The following ANKRD11 variants were observed in gnomAD, a reference collection of about 807,000 sequenced individuals.
ANKRD11 encodes the protein ankyrin repeat domain-containing protein 11.
In ANKRD11, 17 loss-of-function variants were observed where a neutral mutation model predicts 195.7. That is an observed-to-expected ratio of 0.09 (90% CI 0.06 to 0.13). The LOEUF (loss-of-function observed/expected upper bound fraction) is 0.13, where lower values mean the gene tolerates loss of function less well. Among genes scored for constraint, ANKRD11 ranks in the 10% least tolerant of loss-of-function variants. ANKRD11 has a pLI of 1.00. For missense variants in ANKRD11, 3,735 were observed against 3,566.1 expected, an observed-to-expected ratio of 1.05 and a Z score of -1.21; for synonymous variants, 1,953 against 1,528.1, an observed-to-expected ratio of 1.28 and a Z score of -6.49.
intron 2 of ANKRD11, among the ~76,000 whole-genome samples, chr16:89,361,996 C>T (rs1024717303): frequency 2.0e-5 from 3 of 152,198 alleles, no homozygotes; most frequent in South Asian, 4.1e-4. Flanking sequence ...TGGCTCCAGG[C>T]AGGAGGACCC....
intron 1 of ANKRD11, among the ~76,000 whole-genome samples, chr16:89,431,708 C>T (rs866011203): frequency 5.3e-5 from 8 of 152,264 alleles, no homozygotes; most frequent in Admixed American, 1.3e-4. Flanking sequence ...CTGGCTTTAA[C>T]GACGTGCTGC....
At chr16:89,415,087 C>G (rs2042240714) in intron 2 of ANKRD11, among the ~76,000 whole-genome samples, 1 of 151,736 alleles carries the variant, frequency 6.6e-6, no homozygotes, top group South Asian at 2.1e-4. Flanking sequence ...GTAGCTGAGA[C>G]CACAGGCGCA....
intron 2 of ANKRD11, among the ~76,000 whole-genome samples, chr16:89,352,368 A>C (rs1483041640): frequency 6.6e-6 from 1 of 151,496 alleles, no homozygotes; most frequent in Non-Finnish European, 1.5e-5. Flanking sequence ...GCAATGTCTC[A>C]AGGCAGCCCC....
At position 89,283,779 on chromosome 16, in the gene ANKRD11, T is replaced by C. The variant is rs776876752; in HGVS notation, c.2763A>G (p.Lys921=). The C allele has an allele frequency of 6.2e-7, 1 of 1,613,548 alleles. No individual in the cohort carries two copies. Among genetic ancestry groups the C allele is most frequent in the East Asian group, 2.2e-5 (1 of 44,836 alleles). The change falls in exon 9 of 13, where the codon AAA becomes AAG. Residue 921 remains lysine, a synonymous_variant. Transcript: ENST00000301030. This position sits in a 1 kb window ranked among gnomAD's most constrained non-coding sequence, Gnocchi z 4.3. Reference sequence around the variant, plus strand: ...CACTTTTATGCTTTTCGGTCTGCTCTTTCCTCTTCTCAGAGTTTTTATCCA... The same window carrying C: ...CACTTTTATGCTTTTCGGTCTGCTCCTTCCTCTTCTCAGAGTTTTTATCCA... ...DYLDKNSEKR[K]EQTEKHKSVP...
In ANKRD11 at chr16:89,280,942, C is replaced by T. The variant is rs899901463; in HGVS notation, c.5600G>A (p.Cys1867Tyr). 1 of 1,582,670 alleles carries T rather than the reference C, an allele frequency of 6.3e-7. No individual in the cohort carries two copies. The highest frequency in any genetic ancestry group is 8.6e-7 in the Non-Finnish European group (1 of 1,161,650). ...LPSPKVDALH[C>Y]PPAAVVTVTP... Reference sequence around the variant, plus strand: ...GACAGTGACAACGGCAGCCGGTGGGCAGTGCAAAGCGTCGACTTTGGGCGA... The same window carrying T: ...GACAGTGACAACGGCAGCCGGTGGGTAGTGCAAAGCGTCGACTTTGGGCGA... The change falls in exon 9 of 13, where the codon TGC (cysteine) becomes TAC (tyrosine). Residue 1867 changes from cysteine (C) to tyrosine (Y), a missense_variant. Cys to Tyr is a radical substitution (Grantham distance 194). Coordinates refer to ENST00000301030, the MANE Select transcript of ANKRD11 (RefSeq NM_013275.6).
chr16:89,311,139 T>A (rs2036587305), intron 3 of ANKRD11, among the ~76,000 whole-genome samples: 1 of 152,266 alleles, frequency 6.6e-6, no homozygotes, highest in South Asian at 2.1e-4. Context: ...TTTTGCTGCA[T>A]TAGTTGGTAT....
chr16:89,280,326 A>T lies in ANKRD11; in HGVS notation c.6216T>A (p.Leu2072=). 1.3e-6 allele frequency: 2 copies of T among 1,585,032 alleles called. No individual in the cohort carries two copies. Among genetic ancestry groups the T allele is most frequent in the East Asian group, 2.3e-5 (1 of 44,426 alleles). The stretch of plus-strand genomic sequence containing the variant: ...GGGCCACGTCCAGCGGGGCTTCCGG[A>T]AGTGACTTGCAGTTGCTGAAGAAGG... ...LESFFSNCKS[L]PEAPLDVAPE... is the part of the protein sequence containing the mutation. The change falls in exon 9 of 13, where the codon CTT becomes CTA. Residue 2072 remains leucine, a synonymous_variant. Coordinates refer to ENST00000301030, the MANE Select transcript of ANKRD11 (RefSeq NM_013275.6).
chr16:89,439,238 G>A (rs2043344788), intron 1 of ANKRD11, among the ~76,000 whole-genome samples: 1 of 152,008 alleles, frequency 6.6e-6, no homozygotes, highest in Non-Finnish European at 1.5e-5. Flanking sequence ...AACTTTTTTG[G>A]AAAATGCTGT....
chr16:89,447,374 G>A (rs35637261), intron 1 of ANKRD11, among the ~76,000 whole-genome samples: 21,078 of 152,044 alleles, frequency 0.14, 1,895 homozygotes, highest in Middle Eastern at 0.2. Flanking sequence ...ACCTCAACAA[G>A]GGGGCCTGAG....
At chr16:89,412,554 C>T (rs552694050) in intron 2 of ANKRD11, 1 of 152,270 alleles carries the variant, frequency 6.6e-6, no homozygotes, top group South Asian at 2.1e-4. Context: ...CTACAGGAAC[C>T]CAATTACATC....
At position 89,305,475 on chromosome 16, in the gene ANKRD11, C is replaced by T. The variant is rs776306901; in HGVS notation, c.88-131G>A. On this transcript the variant is annotated intron_variant, in intron 3 of 12. Transcript: ENST00000301030. ...TGAACACCCTCCCTGCACCCCAGGG[C>T]GTGGCTGTGTGAGGCTGGTCACCGA... is the stretch of plus-strand genomic sequence containing the variant. 38 of 1,307,702 alleles carry T rather than the reference C, an allele frequency of 2.9e-5. No homozygotes were observed. The African/African-American group carries it at 3.9e-4, about 14-fold the overall frequency. 81.0% of individuals were successfully genotyped at this position (1,307,702 alleles called of 1,614,324 possible). A position where few individuals can be genotyped will look rare whatever the true frequency, so the allele number is the denominator to read the frequency against.
In ANKRD11 at chr16:89,358,047, T is replaced by A. The variant is rs940140750; in HGVS notation, c.-59-40969A>T. 3.3e-5 allele frequency among the ~76,000 whole-genome samples: 5 copies of A among 152,296 alleles called. No homozygotes were observed. The South Asian group carries it at 1.0e-3, about 32-fold the overall frequency. On this transcript the variant is annotated intron_variant, in intron 2 of 12. Transcript: ENST00000301030. ...CCAAAGACTGAACCCTCTTACTGCT[T>A]TGAACAATGGAGGAAGTGAGTGAGG... is the stretch of plus-strand genomic sequence containing the variant.
intron 1 of ANKRD11, among the ~76,000 whole-genome samples, chr16:89,419,255 C>A (rs143095537): frequency 4.6e-4 from 70 of 151,910 alleles, no homozygotes; most frequent in African/African-American, 1.6e-3. Flanking sequence ...AGTTCAAGAC[C>A]AGCCTGGCCA....
intron 4 of ANKRD11, among the ~76,000 whole-genome samples, chr16:89,295,861 T>G (rs1252910709): frequency 6.6e-4 from 15 of 22,716 alleles, no homozygotes; most frequent in Non-Finnish European, 8.9e-4. Flanking sequence ...GGGTGCTCTG[T>G]GCAGGTGGGA....
rs1390515590 is a variant in ANKRD11, at chr16:89,280,579, G to T, written c.5963C>A (p.Pro1988His). ...GGGGCAGAAACGCTTTGGGGACTCG[G>T]GGAATCTCTGTGGAGACTTCAGCAG... ...DLLLKSPQRFPESPKRFCPAD... is the reference protein window; with the variant it reads ...DLLLKSPQRFHESPKRFCPAD... The change falls in exon 9 of 13, where the codon CCC becomes CAC. Residue 1988 changes from proline to histidine, a missense_variant. Transcript: ENST00000301030. The T allele has an allele frequency of 6.2e-7, 1 of 1,613,476 alleles. No individual in the cohort carries two copies. Among genetic ancestry groups the T allele is most frequent in the South Asian group, 1.1e-5 (1 of 91,086 alleles).
In ANKRD11 at chr16:89,291,198, A is replaced by G; in HGVS notation, c.227-15T>C. On this transcript the variant is annotated splice_polypyrimidine_tract_variant and intron_variant, in intron 4 of 12. Transcript: ENST00000301030. This position sits in a 1 kb window ranked among gnomAD's most constrained non-coding sequence, Gnocchi z 5.3. Reference sequence around the variant, plus strand: ...GCCCTGCTTCTCTGTGAGGCGGGCGAGGGAGAGAGGGAGGAGAGATTTCAT... The same window carrying G: ...GCCCTGCTTCTCTGTGAGGCGGGCGGGGGAGAGAGGGAGGAGAGATTTCAT... The G allele has an allele frequency of 6.2e-7, 1 of 1,612,172 alleles. No individual in the cohort carries two copies. Among genetic ancestry groups the G allele is most frequent in the Non-Finnish European group, 8.5e-7 (1 of 1,179,880 alleles).
Position 89,280,374 on chromosome 16 carries a change from G to A in ANKRD11, c.6168C>T (p.Tyr2056=), listed in dbSNP as rs535355840. 8.3e-6 allele frequency: 13 copies of A among 1,563,324 alleles called. No individual in the cohort carries two copies. The highest frequency in any genetic ancestry group is 1.7e-4 in the Middle Eastern group (1 of 5,772). The stretch of plus-strand genomic sequence containing the variant: ...AGGACTCCAGCCCGGAGGGAGGGGC[G>A]TAGGGAGCCGCCTCTGAGGTGGAGA... ...AAISTSEAAP[Y]APPSGLESFF... Residue 2056 remains tyrosine (Y), a synonymous_variant, in exon 9 of 13, where the codon TAC becomes TAT. Transcript: ENST00000301030.
intron 1 of ANKRD11, among the ~76,000 whole-genome samples, chr16:89,459,820 C>G (rs1387088178): frequency 6.6e-6 from 1 of 151,816 alleles, no homozygotes; most frequent in Non-Finnish European, 1.5e-5. Flanking sequence ...GCAGTCCCAG[C>G]TATTCAGGAG....
chr16:89,290,605 G>A lies in ANKRD11; in HGVS notation c.601+20C>T. ...GCTCCAGTGGGGCTCTCTGGCCCTT[G>A]CCAGGCACAGGGTGCCCACCTGCGA... On this transcript the variant is annotated intron_variant, in intron 6 of 12. Coordinates refer to ENST00000301030, the MANE Select transcript of ANKRD11 (RefSeq NM_013275.6). 6.2e-7 allele frequency: 1 copy of A among 1,609,762 alleles called. No individual in the cohort carries two copies. The highest frequency in any genetic ancestry group is 8.5e-7 in the Non-Finnish European group (1 of 1,179,748).
Sources: allele counts gnomAD v4.1 joint callset (sites outside exome capture counted in the v4.1 genomes callset), GRCh38; gene constraint gnomAD v4.1.1; non-coding constraint Gnocchi (gnomAD v3.1); transcripts MANE v1.5; gene names NCBI Gene and HGNC (gene_info 2026-07-23, HGNC 2026-07-21).